Variants in PDE11A observed in about 807,000 individuals in gnomAD.
PDE11A encodes phosphodiesterase 11A, also known as dual 3',5'-cyclic-AMP and -GMP phosphodiesterase 11A.
PDE11A carries 100 observed loss-of-function variants against 100.5 expected under a neutral mutation model. The ratio of observed to expected loss-of-function variants is 1.00; its 90% CI spans 0.85 to 1.18. The LOEUF (loss-of-function observed/expected upper bound fraction) is 1.18. Ranked by LOEUF, PDE11A falls within the 50% of genes most tolerant of loss-of-function variation. The pLI is 0.00. For missense variants in PDE11A, 1,141 were observed against 1,152.6 expected (o/e 0.99, Z 0.15); for synonymous variants, 381 against 420.8 (o/e 0.91, Z 1.16).
At chr2:178,095,724 T>G (rs1158201371) in intron 2 of PDE11A, among the ~76,000 whole-genome samples, 1 of 152,200 alleles carries the variant, frequency 6.6e-6, no homozygotes, top group Non-Finnish European at 1.5e-5. Context: ...GACATCCAGG[T>G]GTTTCTATAC....
chr2:178,074,322 A>C (rs554424381), upstream of PDE11A, among the ~76,000 whole-genome samples: 126 of 152,280 alleles, frequency 8.3e-4, 2 homozygotes, highest in South Asian at 0.014. Flanking sequence ...AATATGCTGA[A>C]ATTCATTGAA....
At chr2:177,708,009 T>G (rs1384557876) in intron 13 of PDE11A, among the ~76,000 whole-genome samples, 1 of 152,130 alleles carries the variant, frequency 6.6e-6, no homozygotes, top group Non-Finnish European at 1.5e-5. Flanking sequence ...GATACAGTGA[T>G]GATGATACCA....
chr2:178,052,471 A>C (rs1258917192), intron 1 of PDE11A, among the ~76,000 whole-genome samples: 1 of 152,150 alleles, frequency 6.6e-6, no homozygotes, highest in African/African-American at 2.4e-5. Flanking sequence ...AGCAAGAGCA[A>C]ACACATTCAA....
intron 2 of PDE11A, among the ~76,000 whole-genome samples, chr2:177,987,441 T>C (rs1368186536): frequency 6.6e-6 from 1 of 152,218 alleles, no homozygotes. Context: ...TGTTTAACTT[T>C]GAACCACATT....
intron 2 of PDE11A, among the ~76,000 whole-genome samples, chr2:178,089,530 G>A (rs963548007): frequency 1.3e-5 from 2 of 152,212 alleles, no homozygotes; most frequent in Non-Finnish European, 2.9e-5. Flanking sequence ...AGATATCAAA[G>A]CTGAGGTGTG....
Position 178,071,644 on chromosome 2 carries a change from G to A in PDE11A, c.794C>T (p.Pro265Leu), listed in dbSNP as rs77493999. 5.0e-6 allele frequency: 8 copies of A among 1,613,248 alleles called. No individual in the cohort carries two copies. Among genetic ancestry groups the A allele is most frequent in the Non-Finnish European group, 6.8e-6 (8 of 1,179,220 alleles). The change falls in exon 1 of 20, where the codon CCT (proline) becomes CTT (leucine). Residue 265 changes from proline to leucine, a missense_variant. Transcript: ENST00000286063. Reference sequence around the variant, plus strand: ...CTCTGTGCTGCTGCAAGGCAGCAGAGGTGTTCCTGCATGCACATCAAAGAA... The same window carrying A: ...CTCTGTGCTGCTGCAAGGCAGCAGAAGTGTTCCTGCATGCACATCAAAGAA... The part of the protein sequence containing the change: ...SKFFDVHAGT[P>L]LLPCSSTENS...
intron 9 of PDE11A, among the ~76,000 whole-genome samples, chr2:177,788,399 G>A (rs1318032658): frequency 6.7e-6 from 1 of 149,606 alleles, no homozygotes; most frequent in African/African-American, 2.5e-5. Context: ...GTGTGTAGAG[G>A]GAAATTTATA....
At chr2:177,780,164 G>C (rs1004808425) in intron 9 of PDE11A, among the ~76,000 whole-genome samples, 5 of 152,158 alleles carry the variant, frequency 3.3e-5, no homozygotes, top group African/African-American at 1.2e-4. Context: ...AAAACATTTA[G>C]CAAACCATGC....
At chr2:178,021,932 G>A (rs963836115) in intron 1 of PDE11A, among the ~76,000 whole-genome samples, 2 of 152,182 alleles carry the variant, frequency 1.3e-5, no homozygotes, top group Non-Finnish European at 2.9e-5. Context: ...TGTCAGACAT[G>A]GGGTAGGAAA....
chr2:177,796,358 A>T (rs905446965), intron 9 of PDE11A, among the ~76,000 whole-genome samples: 4 of 152,086 alleles, frequency 2.6e-5, no homozygotes, highest in African/African-American at 9.7e-5. Context: ...GGTATCTCAA[A>T]TTCCCCCAGG....
At chr2:178,022,235 T>C (rs1283926265) in intron 1 of PDE11A, among the ~76,000 whole-genome samples, 1 of 152,100 alleles carries the variant, frequency 6.6e-6, no homozygotes, top group Non-Finnish European at 1.5e-5. Context: ...TAGAACTGAT[T>C]CTATGCTGAT....
chr2:177,889,281 A>T (rs1386121408), intron 4 of PDE11A, among the ~76,000 whole-genome samples: 1 of 152,158 alleles, frequency 6.6e-6, no homozygotes, highest in Non-Finnish European at 1.5e-5. Flanking sequence ...ATCAGAATGA[A>T]TTTTCCTGCA....
At chr2:177,853,446 G>A (rs941555470) in intron 5 of PDE11A, among the ~76,000 whole-genome samples, 1 of 150,978 alleles carries the variant, frequency 6.6e-6, no homozygotes, top group Non-Finnish European at 1.5e-5. Context: ...TTTTGACGGT[G>A]GCATCATTAT....
intron 10 of PDE11A, among the ~76,000 whole-genome samples, chr2:177,767,095 G>T (rs758251924): frequency 2.6e-5 from 4 of 152,168 alleles, no homozygotes; most frequent in Non-Finnish European, 5.9e-5. Flanking sequence ...ATTTCGGGAG[G>T]CTGAGGCAGG....
At chr2:178,012,084 TAA>T (rs1427487988) in intron 2 of PDE11A, 1 of 152,184 alleles carries the variant, frequency 6.6e-6, no homozygotes. Flanking sequence ...GTTGTTGAGA[TAA>T]AATACTCTCC....
At chr2:177,940,244 G>T (rs17401860) in intron 2 of PDE11A, among the ~76,000 whole-genome samples, 11,376 of 152,134 alleles carry the variant, frequency 0.075, 429 homozygotes, top group South Asian at 0.1. Context: ...ATCTTTTAAA[G>T]ATTTTTTTTC....
intron 6 of PDE11A, among the ~76,000 whole-genome samples, chr2:177,827,807 T>C (rs1395180662): frequency 3.9e-5 from 6 of 152,228 alleles, no homozygotes; most frequent in African/African-American, 1.2e-4. Flanking sequence ...AAATAGAGTA[T>C]GCATTCTAAG....
At chr2:177,859,185 A>G (rs1031568338) in intron 5 of PDE11A, among the ~76,000 whole-genome samples, 5 of 152,110 alleles carry the variant, frequency 3.3e-5, no homozygotes, top group Non-Finnish European at 5.9e-5. Context: ...AACATGGCAC[A>G]TGTATACATA....
chr2:178,071,472 C>T (rs937617521), intron 1 of PDE11A, 54 bp downstream of exon 1: 1 of 1,610,394 alleles, frequency 6.2e-7, no homozygotes, highest in Non-Finnish European at 8.5e-7. Flanking sequence ...TAACCGAAGG[C>T]TTATCTCCCA....
Sources: allele counts gnomAD v4.1 joint callset (sites outside exome capture counted in the v4.1 genomes callset), GRCh38; gene constraint gnomAD v4.1.1; transcripts MANE v1.5; gene names NCBI Gene and HGNC (gene_info 2026-07-23, HGNC 2026-07-21).